The following FHIP1A variants were observed in gnomAD, a reference collection of about 807,000 sequenced individuals.
FHIP1A encodes FHF complex subunit HOOK interacting protein 1A.
Under a neutral mutation model 88.6 loss-of-function variants are expected in FHIP1A, and 61 were observed. The ratio of observed to expected loss-of-function variants is 0.69; its 90% confidence interval spans 0.56 to 0.85. The LOEUF is 0.85. FHIP1A is among the 40% of genes least tolerant of loss of function. The pLI is 0.00. For synonymous variants in FHIP1A, 478 were observed against 496.0 expected (o/e 0.96, Z 0.48); for missense variants, 1,154 against 1,273.5 (o/e 0.91, Z 1.43).
intron 4 of FHIP1A, 24 bp from the exon 5 acceptor site, chr4:151,577,426 G>T: frequency 6.7e-7 from 1 of 1,498,082 alleles, no homozygotes; most frequent in South Asian, 1.3e-5. Context: ...TCAGATGGAT[G>T]ACAAATGCTT....
At chr4:151,501,072 A>G (rs1730634284) in intron 3 of FHIP1A, among the ~76,000 whole-genome samples, 1 of 152,084 alleles carries the variant, frequency 6.6e-6, no homozygotes, top group African/African-American at 2.4e-5. Flanking sequence ...ATAACAAAAT[A>G]CTCTGTTTGA....
chr4:151,610,873 A>T lies in FHIP1A; in HGVS notation c.979-18829A>T, dbSNP rs145704815. On this transcript the variant is annotated intron_variant, in intron 7 of 13. Coordinates refer to ENST00000435205, the MANE Select transcript of FHIP1A (RefSeq NM_001109977.3). ...CTGGTATGATCATTATAGATTTGTT[A>T]TGTTGTACCTCTCATACCAGGTGGT... Among the ~76,000 whole-genome samples, 7 of 152,268 alleles carry T rather than the reference A, an allele frequency of 4.6e-5. No homozygotes were observed. The East Asian group carries it at 1.4e-3, about 29-fold the overall frequency.
At chr4:151,534,564 G>A (rs555345049) in intron 3 of FHIP1A, 9 of 152,206 alleles carry the variant, frequency 5.9e-5, no homozygotes, top group African/African-American at 2.2e-4. Context: ...ATGATTTTTT[G>A]TTTATCTTAG....
chr4:151,460,432 T>TACCACC (rs138021090), intron 2 of FHIP1A, among the ~76,000 whole-genome samples: 1 of 152,276 alleles, frequency 6.6e-6, no homozygotes, highest in African/African-American at 2.4e-5. Flanking sequence ...CTGTTGTACC[T>TACCACC]ACCACCACCA....
At chr4:151,555,468 A>AT (rs1732913331) in intron 3 of FHIP1A, among the ~76,000 whole-genome samples, 2 of 151,962 alleles carry the variant, frequency 1.3e-5, no homozygotes, top group East Asian at 1.9e-4. Flanking sequence ...TCCTCCTCTT[A>AT]TTTTTTGAAA....
chr4:151,581,244 C>T (rs558768950), intron 5 of FHIP1A, among the ~76,000 whole-genome samples: 17 of 152,148 alleles, frequency 1.1e-4, no homozygotes, highest in African/African-American at 3.9e-4. Context: ...ACAAAATAAC[C>T]ACAAGGATAA....
intron 3 of FHIP1A, among the ~76,000 whole-genome samples, chr4:151,548,767 C>G (rs1360772040): frequency 1.3e-5 from 2 of 152,158 alleles, no homozygotes; most frequent in Non-Finnish European, 2.9e-5. Flanking sequence ...ACTAAAAACG[C>G]AAAAATTAGC....
intron 7 of FHIP1A, among the ~76,000 whole-genome samples, chr4:151,597,294 A>G (rs1354105111): frequency 2.6e-5 from 4 of 152,226 alleles, no homozygotes; most frequent in African/African-American, 7.2e-5. Flanking sequence ...CCTCTGCTGC[A>G]GGTCTGCTGG....
chr4:151,417,816 A>G (rs1052495547), intron 1 of FHIP1A, among the ~76,000 whole-genome samples: 10 of 152,184 alleles, frequency 6.6e-5, no homozygotes, highest in African/African-American at 2.2e-4. Context: ...TAATTTGTGT[A>G]TACTACAAAA....
chr4:151,563,833 TA>T (rs1048385723), intron 3 of FHIP1A, among the ~76,000 whole-genome samples: 6 of 147,978 alleles, frequency 4.1e-5, no homozygotes, highest in Non-Finnish European at 7.5e-5. Context: ...GTACAAAAAA[TA>T]AAAAAAAAAT....
intron 7 of FHIP1A, among the ~76,000 whole-genome samples, chr4:151,609,839 T>C (rs1735229490): frequency 6.6e-6 from 1 of 152,110 alleles, no homozygotes; most frequent in Non-Finnish European, 1.5e-5. Flanking sequence ...CTTCATAGTA[T>C]CTTGAGGCAC....
intron 8 of FHIP1A, among the ~76,000 whole-genome samples, chr4:151,638,016 TAC>T (rs1736419716): frequency 6.6e-6 from 1 of 152,210 alleles, no homozygotes; most frequent in Non-Finnish European, 1.5e-5. Context: ...GATTTTACAA[TAC>T]ACCTTTGGGT....
At chr4:151,414,542 A>G (rs1732812917) in intron 1 of FHIP1A, among the ~76,000 whole-genome samples, 2 of 152,336 alleles carry the variant, frequency 1.3e-5, no homozygotes, top group South Asian at 2.1e-4. Context: ...TTTGTCTGCA[A>G]TGTTTAGAAG....
chr4:151,459,815 C>T (rs1033075191), intron 2 of FHIP1A, among the ~76,000 whole-genome samples: 5 of 152,120 alleles, frequency 3.3e-5, no homozygotes, highest in Non-Finnish European at 7.4e-5. Flanking sequence ...TGTTAATACC[C>T]TTGTTGTAGA....
chr4:151,592,454 T>C (rs1368521964), intron 7 of FHIP1A, among the ~76,000 whole-genome samples: 4 of 152,214 alleles, frequency 2.6e-5, no homozygotes, highest in Non-Finnish European at 5.9e-5. Context: ...TTTTTAATGA[T>C]TGCCATTCTA....
intron 7 of FHIP1A, among the ~76,000 whole-genome samples, chr4:151,610,988 A>T (rs190132755): frequency 6.6e-5 from 10 of 152,294 alleles, no homozygotes; most frequent in Admixed American, 2.0e-4. Context: ...TTTATAGTAC[A>T]TTGCCAAGTA....
intron 3 of FHIP1A, among the ~76,000 whole-genome samples, chr4:151,522,867 C>A (rs933716987): frequency 6.6e-6 from 1 of 152,156 alleles, no homozygotes; most frequent in Non-Finnish European, 1.5e-5. Flanking sequence ...GTTTGTTCTC[C>A]TTCCATCCCT....
intron 3 of FHIP1A, among the ~76,000 whole-genome samples, chr4:151,541,268 C>A (rs978976863): frequency 2.6e-5 from 4 of 151,978 alleles, no homozygotes; most frequent in African/African-American, 9.7e-5. Context: ...TGCTAATAAC[C>A]CTGAGTGAAG....
intron 7 of FHIP1A, among the ~76,000 whole-genome samples, chr4:151,619,833 G>A (rs1354761556): frequency 6.6e-6 from 1 of 152,202 alleles, no homozygotes; most frequent in Non-Finnish European, 1.5e-5. Flanking sequence ...AGGTTTAGCT[G>A]TGGATAACAG....
Sources: allele counts gnomAD v4.1 joint callset (sites outside exome capture counted in the v4.1 genomes callset), GRCh38; gene constraint gnomAD v4.1.1; transcripts MANE v1.5; gene names NCBI Gene and HGNC (gene_info 2026-07-23, HGNC 2026-07-21).